The following ZNF282 variants were observed in gnomAD, a reference collection of about 807,000 sequenced individuals.
ZNF282 encodes the protein zinc finger protein 282.
Under a neutral mutation model 61.9 loss-of-function variants are expected in ZNF282, and 30 were observed. The ratio of observed to expected loss-of-function variants is 0.48; its 90% CI spans 0.36 to 0.66. The LOEUF (loss-of-function observed/expected upper bound fraction) is 0.66, where lower values mean the gene tolerates loss of function less well. ZNF282 is among the 30% of genes least tolerant of loss of function. The probability of loss-of-function intolerance (pLI) is 0.00; values close to 1 mark genes in which losing one functional copy is unlikely to be tolerated. For synonymous variants in ZNF282, 396 were observed against 405.0 expected (o/e 0.98, Z 0.27); for missense variants, 788 against 941.4 (o/e 0.84, Z 2.13).
intron 7 of ZNF282, among the ~76,000 whole-genome samples, chr7:149,215,142 T>A (rs1180669946): frequency 6.6e-6 from 1 of 151,284 alleles, no homozygotes; most frequent in Non-Finnish European, 1.5e-5. Flanking sequence ...TTCTGGCTGG[T>A]CAAAGGCTTA....
At chr7:149,220,235 C>T (rs1457728774) in intron 7 of ZNF282, among the ~76,000 whole-genome samples, 10 of 151,962 alleles carry the variant, frequency 6.6e-5, no homozygotes, top group Admixed American at 1.3e-4. Flanking sequence ...GGTGAAACCC[C>T]GTCTCTACTA....
At chr7:149,203,662 G>C (rs1209866689) in intron 2 of ZNF282, among the ~76,000 whole-genome samples, 1 of 152,172 alleles carries the variant, frequency 6.6e-6, no homozygotes, top group Non-Finnish European at 1.5e-5. Flanking sequence ...AGGCCTGCTT[G>C]TACTGATTTT....
intron 5 of ZNF282, 35 bp downstream of exon 5, chr7:149,210,739 G>C (rs908931675): frequency 6.6e-7 from 1 of 1,515,044 alleles, no homozygotes; most frequent in Non-Finnish European, 8.8e-7. Context: ...CACCAGGGAG[G>C]GGAGGGGAGG....
At chr7:149,220,041 G>T (rs1312123822) in intron 7 of ZNF282, among the ~76,000 whole-genome samples, 1 of 152,090 alleles carries the variant, frequency 6.6e-6, no homozygotes, top group East Asian at 1.9e-4. Flanking sequence ...GTTCTTTTAA[G>T]GTCGGAGATA....
At chr7:149,200,588 T>C (rs530229286) in intron 2 of ZNF282, among the ~76,000 whole-genome samples, 4 of 151,988 alleles carry the variant, frequency 2.6e-5, no homozygotes, top group Admixed American at 6.6e-5. Context: ...CAGTCTTTAT[T>C]ATTTATTTAT....
chr7:149,207,269 G>A (rs1796006699), intron 3 of ZNF282, 82 bp from the exon 4 acceptor site: 2 of 1,504,206 alleles, frequency 1.3e-6, no homozygotes, highest in East Asian at 4.9e-5. Flanking sequence ...GGGAGATGGG[G>A]TAGGGGAGAG....
At chr7:149,209,946 ACAT>A (rs1796055951) in intron 4 of ZNF282, among the ~76,000 whole-genome samples, 1 of 152,138 alleles carries the variant, frequency 6.6e-6, no homozygotes, top group African/African-American at 2.4e-5. Flanking sequence ...TTATAACTAA[ACAT>A]CATAGAAGGA....
intron 5 of ZNF282, among the ~76,000 whole-genome samples, chr7:149,211,748 G>T (rs796240130): frequency 2.6e-5 from 4 of 152,278 alleles, no homozygotes; most frequent in African/African-American, 9.6e-5. Context: ...TGTCTGGGTA[G>T]AGGAAAGCCC....
At chr7:149,221,187 G>A (rs113888465) in intron 7 of ZNF282, among the ~76,000 whole-genome samples, 7,491 of 152,212 alleles carry the variant, frequency 0.049, 438 homozygotes, top group African/African-American at 0.14. Context: ...CCAATGTGCC[G>A]GGATTACAGG....
At chr7:149,206,487 A>G in intron 2 of ZNF282, 1 of 664,398 alleles carries the variant, frequency 1.5e-6, no homozygotes, top group East Asian at 2.6e-5. Flanking sequence ...TTTTCTAAAA[A>G]GGCAGGGTTG....
chr7:149,205,328 C>T (rs1220680527), intron 2 of ZNF282, among the ~76,000 whole-genome samples: 1 of 152,060 alleles, frequency 6.6e-6, no homozygotes, highest in Non-Finnish European at 1.5e-5. Flanking sequence ...ATCCCAGCTA[C>T]TCGGGAGGCT....
At chr7:149,208,383 A>G (rs1361320375) in intron 4 of ZNF282, among the ~76,000 whole-genome samples, 1 of 151,916 alleles carries the variant, frequency 6.6e-6, no homozygotes, top group Admixed American at 6.5e-5. Flanking sequence ...TTGTATTTTT[A>G]GTAGGGACAG....
At chr7:149,210,297 A>G (rs915806103) in intron 4 of ZNF282, among the ~76,000 whole-genome samples, 1 of 151,960 alleles carries the variant, frequency 6.6e-6, no homozygotes, top group Non-Finnish European at 1.5e-5. Flanking sequence ...CTTCAGTGTC[A>G]TCACCCCTCA....
rs1321088332 is a variant in ZNF282, at chr7:149,198,360, C to T, written c.193C>T (p.Arg65Trp). The change falls in exon 2 of 8, where the codon CGG becomes TGG. Residue 65 changes from arginine to tryptophan, a missense_variant. Coordinates refer to ENST00000610704, the MANE Select transcript of ZNF282 (RefSeq NM_003575.4). This position sits in a 1 kb window ranked among gnomAD's most constrained non-coding sequence, Gnocchi z 4.3. ...QAQEWDMDAR[R>W]PMPFQFPPFP... ...TCAAGAATGGGACATGGACGCCCGG[C>T]GGCCAATGCCTTTTCAGTTCCCACC... The T allele has an allele frequency of 6.8e-6, 11 of 1,611,766 alleles. No homozygotes were observed. Among genetic ancestry groups the T allele is most frequent in the African/African-American group, 1.3e-5 (1 of 74,886 alleles).
chr7:149,202,059 C>A (rs1045055777), intron 2 of ZNF282, among the ~76,000 whole-genome samples: 4 of 152,092 alleles, frequency 2.6e-5, no homozygotes, highest in Admixed American at 6.6e-5. Flanking sequence ...GAAAGAACCA[C>A]GTCCCCCAAG....
rs887441067 is a variant in ZNF282 at position 149,198,767 on chromosome 7, C to T, written c.585+15C>T. On this transcript the variant is annotated intron_variant, in intron 2 of 7. Coordinates refer to ENST00000610704, the MANE Select transcript of ZNF282 (RefSeq NM_003575.4). The surrounding 1 kb of genome is among the most constrained non-coding windows in gnomAD (Gnocchi z 4.3). ...AGGCCCCCAAGGTATGTGGTGGTCC[C>T]TGGGGCAGGGATAGAGGTGAGGAAC... The T allele has an allele frequency of 1.2e-6, 2 of 1,607,516 alleles. No individual in the cohort carries two copies. The highest frequency in any genetic ancestry group is 1.3e-5 in the African/African-American group (1 of 74,536).
rs1796371395 is a variant in ZNF282 at position 149,226,140 on chromosome 7, T to C, written c.*1493T>C. 6.5e-6 allele frequency: 1 copy of C among 152,678 alleles called. No homozygotes were observed. Among genetic ancestry groups the C allele is most frequent in the Non-Finnish European group, 1.5e-5 (1 of 68,054 alleles). 9.5% of individuals were successfully genotyped at this position (152,678 alleles called of 1,614,324 possible). A position where few individuals can be genotyped will look rare whatever the true frequency, so the allele number is the denominator to read the frequency against. ...ACCCCTTTTTGCCGTGCAAAGGGAA[T>C]TCTTGACATTAAATAAAAGGTATCC... On this transcript the variant is annotated 3_prime_UTR_variant, in exon 8 of 8. Transcript: ENST00000610704.
At chr7:149,203,990 G>T (rs1795954156) in intron 2 of ZNF282, among the ~76,000 whole-genome samples, 1 of 152,138 alleles carries the variant, frequency 6.6e-6, no homozygotes, top group Non-Finnish European at 1.5e-5. Context: ...AGGAACTGGG[G>T]AGCAGCTTAG....
chr7:149,204,700 G>A (rs1795965688), intron 2 of ZNF282, among the ~76,000 whole-genome samples: 1 of 152,164 alleles, frequency 6.6e-6, no homozygotes, highest in Admixed American at 6.5e-5. Context: ...TTTGAAACAA[G>A]CCTCCCGGAG....
Sources: allele counts gnomAD v4.1 joint callset (sites outside exome capture counted in the v4.1 genomes callset), GRCh38; gene constraint gnomAD v4.1.1; non-coding constraint Gnocchi (gnomAD v3.1); transcripts MANE v1.5; gene names NCBI Gene and HGNC (gene_info 2026-07-23, HGNC 2026-07-21).